Variants in KANK1 observed in about 807,000 individuals in gnomAD.
The protein encoded by KANK1 is KN motif and ankyrin repeat domains 1.
In KANK1, 109 loss-of-function variants were observed where a neutral mutation model predicts 106.2. The ratio of observed to expected loss-of-function variants is 1.03; its 90% CI spans 0.88 to 1.20. KANK1 has a LOEUF of 1.20. KANK1 is among the 50% of genes most tolerant of loss of function. The pLI is 0.00. For synonymous variants in KANK1, 873 were observed against 652.2 expected (o/e 1.34, Z -5.16); for missense variants, 2,399 against 1,710.7 (o/e 1.40, Z -7.10).
chr9:693,885 G>C (rs1424589365), intron 2 of KANK1: 2 of 918,736 alleles, frequency 2.2e-6, no homozygotes, highest in Non-Finnish European at 1.3e-6. Flanking sequence ...TTGTGAAAAA[G>C]ATTTGCTTTT....
intron 1 of KANK1, among the ~76,000 whole-genome samples, chr9:598,379 T>C (rs1284359442): frequency 2.0e-5 from 3 of 151,612 alleles, no homozygotes; most frequent in Admixed American, 2.0e-4. Flanking sequence ...AAGGATCTGT[T>C]TTTTCATTTC....
chr9:740,167 G>C (rs937406853), intron 8 of KANK1, among the ~76,000 whole-genome samples: 20 of 152,178 alleles, frequency 1.3e-4, no homozygotes, highest in African/African-American at 4.3e-4. Flanking sequence ...TATCCCTGAA[G>C]ACTCCTTAAG....
In KANK1 at chr9:551,630, C is replaced by A. The variant is rs144637544; in HGVS notation, c.-84+46876C>A. ...TCTCACCTGTGCTCCAGACGCTCCA[C>A]TTGGTGCTAGAAATACAGCAGTGAA... On this transcript the variant is annotated intron_variant, in intron 1 of 11. Coordinates refer to ENST00000382297, the MANE Select transcript of KANK1 (RefSeq NM_015158.5). Among the ~76,000 whole-genome samples the A allele has an allele frequency of 2.5e-3, 380 of 152,302 alleles. 10 individuals are homozygous for A. Among genetic ancestry groups the A allele is most frequent in the Non-Finnish European group, 4.4e-4 (30 of 68,028 alleles).
intron 1 of KANK1, among the ~76,000 whole-genome samples, chr9:555,788 T>C (rs564586340): frequency 2.0e-5 from 3 of 152,360 alleles, no homozygotes; most frequent in African/African-American, 7.2e-5. Flanking sequence ...TTTAGAAATG[T>C]GTTTCTCAAA....
intron 1 of KANK1, among the ~76,000 whole-genome samples, chr9:667,514 G>C (rs1031447370): frequency 1.3e-5 from 2 of 151,658 alleles, no homozygotes; most frequent in African/African-American, 4.8e-5. Context: ...TCCATTATTA[G>C]GTTGTCTTTT....
intron 2 of KANK1, among the ~76,000 whole-genome samples, chr9:690,396 A>C (rs749870675): frequency 1.3e-4 from 20 of 152,084 alleles, no homozygotes; most frequent in Non-Finnish European, 2.4e-4. Flanking sequence ...TCAGCAGTAG[A>C]GTAAGCAGTA....
chr9:650,460 T>C (rs1283953404), intron 1 of KANK1, among the ~76,000 whole-genome samples: 4 of 152,194 alleles, frequency 2.6e-5, no homozygotes, highest in Non-Finnish European at 5.9e-5. Context: ...TGTAGATTCT[T>C]ACTCCTGGGT....
chr9:555,114 A>G (rs2061502390), intron 1 of KANK1, among the ~76,000 whole-genome samples: 1 of 152,216 alleles, frequency 6.6e-6, no homozygotes, highest in African/African-American at 2.4e-5. Flanking sequence ...AGAACAACTA[A>G]TAAGTCATAA....
At chr9:551,708 G>T (rs538125901) in intron 1 of KANK1, among the ~76,000 whole-genome samples, 5 of 151,918 alleles carry the variant, frequency 3.3e-5, no homozygotes, top group Non-Finnish European at 5.9e-5. Context: ...GCAGACTGAC[G>T]ACATTAAAAA....
intron 1 of KANK1, among the ~76,000 whole-genome samples, chr9:588,668 G>A (rs1824112594): frequency 6.6e-6 from 1 of 152,092 alleles, no homozygotes; most frequent in African/African-American, 2.4e-5. Context: ...TGCTGTAGTA[G>A]TCATGATCTC....
At chr9:511,487 C>T (rs1422540603) in intron 1 of KANK1, among the ~76,000 whole-genome samples, 1 of 152,158 alleles carries the variant, frequency 6.6e-6, no homozygotes, top group Non-Finnish European at 1.5e-5. Context: ...AATTTCCCAT[C>T]TATAAACAGG....
At chr9:654,445 G>A (rs1841629620) in intron 1 of KANK1, among the ~76,000 whole-genome samples, 1 of 152,174 alleles carries the variant, frequency 6.6e-6, no homozygotes, top group African/African-American at 2.4e-5. Context: ...CAGATCTGGA[G>A]GAACTACTAT....
rs1248209705 is a variant in KANK1, at chr9:713,133, G to A, written c.2367G>A (p.Gly789=). 9.4e-6 allele frequency: 15 copies of A among 1,599,394 alleles called. No homozygotes were observed. Among genetic ancestry groups the A allele is most frequent in the Non-Finnish European group, 8.5e-7 (1 of 1,170,854 alleles). The change falls in exon 3 of 12, where the codon GGG becomes GGA. Residue 789 remains glycine (G), a synonymous_variant. Coordinates refer to ENST00000382297, the MANE Select transcript of KANK1 (RefSeq NM_015158.5). The stretch of plus-strand genomic sequence containing the variant: ...GTGGGCCACCACAGTTGACTGTGGG[G>A]CTGACAGCCAGCAGAAGGAGCGTGG... ...IACGPPQLTV[G]LTASRRSVGV...
intron 2 of KANK1, among the ~76,000 whole-genome samples, chr9:707,469 GTTT>G (rs1824687770): frequency 6.6e-6 from 1 of 151,758 alleles, no homozygotes; most frequent in East Asian, 1.9e-4. Flanking sequence ...TGTTAATGGA[GTTT>G]CAGACAGTCC....
intron 1 of KANK1, among the ~76,000 whole-genome samples, chr9:656,616 C>G (rs1472342342): frequency 6.6e-6 from 1 of 150,536 alleles, no homozygotes; most frequent in African/African-American, 2.5e-5. Context: ...TGGCAGATGC[C>G]CCTACTCCCT....
chr9:590,640 A>ATT (rs71314715), intron 1 of KANK1, among the ~76,000 whole-genome samples: 4,621 of 146,874 alleles, frequency 0.031, 109 homozygotes, highest in South Asian at 0.056. Context: ...TCTTCCGGAG[A>ATT]TTTTTTTTTT....
At chr9:658,934 C>G (rs1278962340) in intron 1 of KANK1, among the ~76,000 whole-genome samples, 15 of 152,182 alleles carry the variant, frequency 9.9e-5, no homozygotes, top group Non-Finnish European at 1.5e-4. Flanking sequence ...TTAAGGACCA[C>G]CCATTCCTAT....
intron 1 of KANK1, among the ~76,000 whole-genome samples, chr9:667,738 T>A (rs891558624): frequency 4.7e-5 from 3 of 63,230 alleles, no homozygotes; most frequent in African/African-American, 1.6e-4. Flanking sequence ...CCAAAGGTTT[T>A]TTTGTTTTGT....
At chr9:661,084 TTTG>T (rs1002419882) in intron 1 of KANK1, among the ~76,000 whole-genome samples, 4 of 44,534 alleles carry the variant, frequency 9.0e-5, no homozygotes, top group East Asian at 7.0e-3. Context: ...TTGAGGTTTG[TTTG>T]TTTTTTTCCC....
Sources: allele counts gnomAD v4.1 joint callset (sites outside exome capture counted in the v4.1 genomes callset), GRCh38; gene constraint gnomAD v4.1.1; transcripts MANE v1.5; gene names NCBI Gene and HGNC (gene_info 2026-07-23, HGNC 2026-07-21).